The following RIMS2 variants were observed in gnomAD, a reference collection of about 807,000 sequenced individuals.
RIMS2 encodes regulating synaptic membrane exocytosis protein 2.
In RIMS2, 59 loss-of-function variants were observed where a neutral mutation model predicts 174.4. The observed-to-expected ratio is 0.34, with a 90% CI of 0.27 to 0.42. The LOEUF (loss-of-function observed/expected upper bound fraction) is 0.42. RIMS2 is among the 10% of genes least tolerant of loss of function. The pLI is 1.00. For synonymous variants in RIMS2, 606 were observed against 572.5 expected, an observed-to-expected ratio of 1.06 and a Z score of -0.84; for missense variants, 1,620 against 1,666.3, an observed-to-expected ratio of 0.97 and a Z score of 0.48.
intron 1 of RIMS2, among the ~76,000 whole-genome samples, chr8:103,661,653 G>A (rs571478782): frequency 2.0e-5 from 3 of 152,140 alleles, no homozygotes; most frequent in African/African-American, 7.2e-5. Context: ...ACAGGCACAC[G>A]CCGCCACCCC....
At chr8:104,001,781 T>C (rs980119843) in intron 17 of RIMS2, among the ~76,000 whole-genome samples, 3 of 152,070 alleles carry the variant, frequency 2.0e-5, no homozygotes, top group Non-Finnish European at 4.4e-5. Flanking sequence ...TCCATTCTCC[T>C]GTATTTATTT....
intron 3 of RIMS2, among the ~76,000 whole-genome samples, chr8:103,854,153 G>C (rs1382763551): frequency 1.3e-5 from 2 of 152,034 alleles, no homozygotes; most frequent in Non-Finnish European, 1.5e-5. Flanking sequence ...TTGTAAATGG[G>C]ATTGTGTTCT....
chr8:103,775,458 T>G (rs2098303895), intron 3 of RIMS2, among the ~76,000 whole-genome samples: 1 of 152,134 alleles, frequency 6.6e-6, no homozygotes, highest in African/African-American at 2.4e-5. Flanking sequence ...CCTAGATATT[T>G]CTTCTTATAC....
chr8:104,153,474 G>A (rs1600106802), intron 19 of RIMS2, among the ~76,000 whole-genome samples: 2 of 152,146 alleles, frequency 1.3e-5, no homozygotes, highest in South Asian at 2.1e-4. Context: ...TAAGACATCA[G>A]TAGCCAATTC....
chr8:104,103,516 G>T (rs1367655777), intron 19 of RIMS2, among the ~76,000 whole-genome samples: 2 of 151,954 alleles, frequency 1.3e-5, no homozygotes, highest in Admixed American at 1.3e-4. Flanking sequence ...TTTTGTTTAG[G>T]GTTTAGTTTG....
At chr8:103,619,542 A>T (rs1166407416) in intron 1 of RIMS2, among the ~76,000 whole-genome samples, 1 of 152,114 alleles carries the variant, frequency 6.6e-6, no homozygotes, top group Non-Finnish European at 1.5e-5. Flanking sequence ...TAAGCAGCAG[A>T]AAAAAATCTT....
At chr8:104,245,518 C>T (rs2099326625) in intron 20 of RIMS2, among the ~76,000 whole-genome samples, 1 of 152,126 alleles carries the variant, frequency 6.6e-6, no homozygotes, top group Admixed American at 6.6e-5. Flanking sequence ...TTAAATATAA[C>T]AGCCAAAAAG....
chr8:103,517,730 C>T (rs1829666401), intron 1 of RIMS2, among the ~76,000 whole-genome samples: 1 of 152,054 alleles, frequency 6.6e-6, no homozygotes, highest in African/African-American at 2.4e-5. Flanking sequence ...TGGAAGGCTG[C>T]AGTGCAAGTG....
intron 8 of RIMS2, among the ~76,000 whole-genome samples, chr8:103,917,923 C>A (rs1052504344): frequency 6.6e-6 from 1 of 151,938 alleles, no homozygotes; most frequent in Admixed American, 6.6e-5. Flanking sequence ...GAGCTGAGAT[C>A]GCGGCACTGC....
At chr8:103,796,346 T>C in intron 3 of RIMS2, among the ~76,000 whole-genome samples, 1 of 152,200 alleles carries the variant, frequency 6.6e-6, no homozygotes, top group East Asian at 1.9e-4. Flanking sequence ...ATTTAATGCA[T>C]GTAATTTTAA....
At chr8:104,223,510 G>C in intron 19 of RIMS2, 9 of 1,402,420 alleles carry the variant, frequency 6.4e-6, no homozygotes, top group Non-Finnish European at 7.4e-6. Context: ...CTGGGTCAGG[G>C]AGGCAGGGGC....
At chr8:104,140,575 G>C (rs529265816) in intron 19 of RIMS2, among the ~76,000 whole-genome samples, 7 of 152,130 alleles carry the variant, frequency 4.6e-5, no homozygotes, top group South Asian at 2.1e-4. Context: ...TAGATAATTA[G>C]AAATGGATAC....
intron 11 of RIMS2, 30 bp from the exon 14 acceptor site, chr8:103,931,233 A>T: frequency 6.5e-7 from 1 of 1,534,132 alleles, no homozygotes; most frequent in Non-Finnish European, 8.9e-7. Flanking sequence ...TAAATGTTTG[A>T]ATTGATAAAT....
In RIMS2 at chr8:104,244,896, T is replaced by G. The variant is rs1170777703; in HGVS notation, c.3335-20T>G. The G allele has an allele frequency of 1.2e-6, 2 of 1,607,882 alleles. No individual in the cohort carries two copies. Among genetic ancestry groups the G allele is most frequent in the Non-Finnish European group, 8.5e-7 (1 of 1,175,024 alleles). On this transcript the variant is annotated intron_variant, in intron 19 of 23. Transcript: ENST00000504942. ...ATAGTGATTACAAAGCTGTTACACTTTTTGTTTCTATCTCTGCAGAAGCAG... is the reference window on the plus strand; with the variant it reads ...ATAGTGATTACAAAGCTGTTACACTGTTTGTTTCTATCTCTGCAGAAGCAG...
chr8:103,951,720 C>A (rs2085421168), intron 14 of RIMS2, among the ~76,000 whole-genome samples: 1 of 152,188 alleles, frequency 6.6e-6, no homozygotes, highest in Admixed American at 6.5e-5. Context: ...GCTTTTCATA[C>A]TCCAGTGGCA....
In RIMS2 at chr8:103,862,977, T is replaced by C. The variant is rs188524405; in HGVS notation, c.699-22321T>C. Among the ~76,000 whole-genome samples the C allele has an allele frequency of 5.3e-5, 8 of 152,292 alleles. 1 individual carries two copies. In the East Asian group the frequency reaches 1.5e-3, roughly 29 times the overall value. On this transcript the variant is annotated intron_variant, in intron 3 of 23. Transcript: ENST00000504942. ...ATTTATCTTTTTCTTGCCTGATTGC[T>C]CTGGCTGAGAGTTCCAGTACTGTAT...
rs181793390 is a variant in RIMS2, at chr8:103,861,908, A to T, written c.699-23390A>T. Among the ~76,000 whole-genome samples the T allele has an allele frequency of 7.2e-5, 11 of 152,230 alleles. No individual in the cohort carries two copies. In the East Asian group the frequency reaches 2.1e-3, roughly 29 times the overall value. ...CCTTTGTCAGAGGCATAATTTACAA[A>T]TATTTTCTCCCATTCTGTAAGTTGT... On this transcript the variant is annotated intron_variant, in intron 3 of 23. Transcript: ENST00000504942.
intron 14 of RIMS2, among the ~76,000 whole-genome samples, chr8:103,952,732 G>T (rs115131638): frequency 3.3e-5 from 5 of 152,122 alleles, no homozygotes; most frequent in African/African-American, 1.2e-4. Flanking sequence ...CTCCTTGCCA[G>T]CAAGGGAACT....
intron 16 of RIMS2, among the ~76,000 whole-genome samples, chr8:103,986,938 C>G (rs2154549971): frequency 6.6e-6 from 1 of 151,342 alleles, no homozygotes; most frequent in African/African-American, 2.4e-5. Flanking sequence ...AAATGGTACT[C>G]AAAGACAAAC....
Sources: gnomAD v4.1 joint callset for allele counts (sites outside exome capture counted in the v4.1 genomes callset) on GRCh38, gnomAD v4.1.1 for gene constraint, MANE v1.5 for transcripts, NCBI Gene and HGNC (gene_info 2026-07-23, HGNC 2026-07-21) for gene names.